The following STK10 variants were observed in gnomAD, a reference collection of about 807,000 sequenced individuals.
STK10 encodes serine/threonine-protein kinase 10.
STK10 carries 78 observed loss-of-function variants against 113.8 expected under a neutral mutation model. That is an observed-to-expected ratio of 0.69 (90% CI 0.57 to 0.83). The LOEUF (loss-of-function observed/expected upper bound fraction) is 0.83, where lower values mean the gene tolerates loss of function less well. STK10 is among the 40% of genes least tolerant of loss of function. The probability of loss-of-function intolerance (pLI) is 0.00; values close to 1 mark genes in which losing one functional copy is unlikely to be tolerated. For synonymous variants in STK10, 465 were observed against 494.7 expected (o/e 0.94, Z 0.80); for missense variants, 1,109 against 1,280.1 (o/e 0.87, Z 2.04).
intron 16 of STK10, among the ~76,000 whole-genome samples, chr5:172,055,363 A>AT (rs1249423560): frequency 6.6e-6 from 1 of 151,830 alleles, no homozygotes; most frequent in Non-Finnish European, 1.5e-5. Flanking sequence ...TTAAAAAATT[A>AT]TTTTTTTGTA....
Position 172,142,236 on chromosome 5 carries a change from A to C in STK10, c.321+14388T>G, listed in dbSNP as rs570898640. On this transcript the variant is annotated intron_variant, in intron 2 of 18. Transcript: ENST00000176763. ...GTTGCCGTGGGACTGATTACTACAC[A>C]AACGTCTTTAGAGCTGTGCAAATTA... 2.1e-4 allele frequency among the ~76,000 whole-genome samples: 32 copies of C among 152,250 alleles called. 1 individual carries two copies. Among genetic ancestry groups the C allele is most frequent in the Middle Eastern group, 6.8e-3 (2 of 294 alleles).
intron 14 of STK10, 137 bp from the exon 15 acceptor site, chr5:172,057,610 T>C (rs1182897653): frequency 1.4e-6 from 2 of 1,381,540 alleles, no homozygotes; most frequent in African/African-American, 2.9e-5. Context: ...TGCCACATGT[T>C]CTACCTCATT....
chr5:172,085,171 G>T (rs1054270045), intron 10 of STK10, among the ~76,000 whole-genome samples: 5 of 152,062 alleles, frequency 3.3e-5, no homozygotes, highest in African/African-American at 1.2e-4. Flanking sequence ...CTTGAGCCCA[G>T]GAGGTCCAGG....
intron 2 of STK10, among the ~76,000 whole-genome samples, chr5:172,153,714 G>GAA (rs1317381595): frequency 6.6e-6 from 1 of 152,228 alleles, no homozygotes; most frequent in East Asian, 1.9e-4. Flanking sequence ...GCCCAGGCCT[G>GAA]GTCACAAGAT....
At chr5:172,181,614 G>A (rs894887111) in intron 1 of STK10, among the ~76,000 whole-genome samples, 1 of 150,982 alleles carries the variant, frequency 6.6e-6, no homozygotes, top group Non-Finnish European at 1.5e-5. Flanking sequence ...TCCCTGAGTA[G>A]CTGGGATTAC....
At chr5:172,185,497 G>A (rs1770939361) in intron 1 of STK10, among the ~76,000 whole-genome samples, 1 of 152,048 alleles carries the variant, frequency 6.6e-6, no homozygotes, top group African/African-American at 2.4e-5. Flanking sequence ...TGAATTTCCT[G>A]ACCTCATGAT....
In STK10 at chr5:172,044,872, C is replaced by A; in HGVS notation, c.*10G>T. The A allele has an allele frequency of 1.2e-6, 2 of 1,614,114 alleles. No individual in the cohort carries two copies. Among genetic ancestry groups the A allele is most frequent in the Non-Finnish European group, 1.7e-6 (2 of 1,180,044 alleles). The stretch of plus-strand genomic sequence containing the variant: ...CCCACCAAGCTGCCAGCCACAGCCC[C>A]GGGCGGTTGTTAAGAAGCATCCGCA... On this transcript the variant is annotated 3_prime_UTR_variant, in exon 19 of 19. Coordinates refer to ENST00000176763, the MANE Select transcript of STK10 (RefSeq NM_005990.4). The surrounding 1 kb of genome is among the most constrained non-coding windows in gnomAD (Gnocchi z 4.5).
intron 4 of STK10, among the ~76,000 whole-genome samples, chr5:172,113,490 T>C (rs1424087755): frequency 6.6e-6 from 1 of 152,136 alleles, no homozygotes; most frequent in Non-Finnish European, 1.5e-5. Flanking sequence ...CTGTGATGGG[T>C]ACAAGAAAAA....
chr5:172,132,243 G>A (rs1561819588), intron 2 of STK10, among the ~76,000 whole-genome samples: 1 of 152,138 alleles, frequency 6.6e-6, no homozygotes, highest in Admixed American at 6.5e-5. Context: ...CCCATAGGAG[G>A]ATTACAGGTA....
At chr5:172,164,105 G>GA (rs1561832286) in intron 1 of STK10, among the ~76,000 whole-genome samples, 2 of 151,576 alleles carry the variant, frequency 1.3e-5, no homozygotes, top group African/African-American at 4.9e-5. Context: ...CCAGCTACTC[G>GA]GGAGGCTGAG....
chr5:172,077,535 T>C (rs1768338581), intron 12 of STK10, among the ~76,000 whole-genome samples: 1 of 152,224 alleles, frequency 6.6e-6, no homozygotes, highest in Admixed American at 6.5e-5. Flanking sequence ...GTATCCACAT[T>C]AATTGTATAT....
chr5:172,171,321 C>G (rs895170802), intron 1 of STK10, among the ~76,000 whole-genome samples: 1 of 152,196 alleles, frequency 6.6e-6, no homozygotes, highest in East Asian at 1.9e-4. Context: ...TCCTCACTTC[C>G]CAGCCTTTTA....
intron 4 of STK10, among the ~76,000 whole-genome samples, chr5:172,112,714 C>G (rs188682427): frequency 6.6e-6 from 1 of 151,436 alleles, no homozygotes; most frequent in East Asian, 1.9e-4. Flanking sequence ...CCACTGCACC[C>G]GGCCAGGACC....
At chr5:172,087,700 C>T (rs1768603114) in intron 10 of STK10, among the ~76,000 whole-genome samples, 1 of 102,316 alleles carries the variant, frequency 9.8e-6, no homozygotes, top group Non-Finnish European at 2.1e-5. Flanking sequence ...GCAATCTCGG[C>T]TCACTGCAAG....
chr5:172,128,235 A>G (rs1433134607), intron 2 of STK10, among the ~76,000 whole-genome samples: 1 of 150,782 alleles, frequency 6.6e-6, no homozygotes, highest in East Asian at 1.9e-4. Context: ...AAAAAAAAAA[A>G]AAAAAAAAAA....
chr5:172,066,580 A>T (rs1768075253), intron 12 of STK10, among the ~76,000 whole-genome samples: 1 of 152,184 alleles, frequency 6.6e-6, no homozygotes, highest in Admixed American at 6.5e-5. Context: ...TGAGGTCAGG[A>T]GTTCAAGACC....
At chr5:172,066,633 C>A (rs1287929774) in intron 12 of STK10, among the ~76,000 whole-genome samples, 1 of 152,108 alleles carries the variant, frequency 6.6e-6, no homozygotes, top group African/African-American at 2.4e-5. Flanking sequence ...ACTAAAAATA[C>A]AAAAATCAGC....
chr5:172,137,317 C>T (rs1372353570), intron 2 of STK10, among the ~76,000 whole-genome samples: 1 of 152,118 alleles, frequency 6.6e-6, no homozygotes, highest in Non-Finnish European at 1.5e-5. Flanking sequence ...CAACAAAATA[C>T]TTGCGAATCA....
In STK10 at chr5:172,156,776, C is replaced by T. The variant is rs772047909; in HGVS notation, c.169G>A (p.Glu57Lys). ...TTGGCCGCAGCCAAAGCACCCGTCT[C>T]CTTATTCTTGGCCTGCAAAGAGGAG... Reference protein sequence around the residue: ...FGKVYKAKNKETGALAAAKVI... With the variant: ...FGKVYKAKNKKTGALAAAKVI... The change falls in exon 2 of 19, where the codon GAG becomes AAG. Residue 57 changes from glutamate (E) to lysine (K), a missense_variant. Glu to Lys is a moderately conservative substitution (Grantham distance 56). Around this residue, in one of 5 missense-constraint regions of STK10, gnomAD observed 120 missense variants for 134.8 expected, o/e 0.89. Coordinates refer to ENST00000176763, the MANE Select transcript of STK10 (RefSeq NM_005990.4). The T allele has an allele frequency of 3.7e-6, 6 of 1,613,690 alleles. No individual in the cohort carries two copies. The highest frequency in any genetic ancestry group is 5.1e-6 in the Non-Finnish European group (6 of 1,179,708).
Sources: allele counts gnomAD v4.1 joint callset (sites outside exome capture counted in the v4.1 genomes callset), GRCh38; gene constraint gnomAD v4.1.1; regional missense constraint gnomAD v4.1.1; non-coding constraint Gnocchi (gnomAD v3.1); transcripts MANE v1.5; gene names NCBI Gene and HGNC (gene_info 2026-07-23, HGNC 2026-07-21).